Variants in RAD9B observed in about 807,000 individuals in gnomAD.
The protein encoded by RAD9B is RAD9 checkpoint clamp component B, also known as cell cycle checkpoint control protein RAD9B.
Under a neutral mutation model 48.3 loss-of-function variants are expected in RAD9B, and 41 were observed. The ratio of observed to expected loss-of-function variants is 0.85; its 90% CI spans 0.66 to 1.10. RAD9B has a LOEUF of 1.10. Among genes scored for constraint, RAD9B ranks in the 50% least tolerant of loss-of-function variants. The pLI, the probability that RAD9B is intolerant of heterozygous loss-of-function variation, is 0.00. For synonymous variants in RAD9B, 160 were observed against 157.9 expected (o/e 1.01, Z -0.10); for missense variants, 444 against 485.1 (o/e 0.92, Z 0.80).
chr12:110,516,198 G>A (rs2063595590), intron 6 of RAD9B, among the ~76,000 whole-genome samples: 1 of 151,906 alleles, frequency 6.6e-6, no homozygotes, highest in African/African-American at 2.4e-5. Context: ...CTGCACTCCA[G>A]CCCAGGCAAG....
In RAD9B at chr12:110,533,161, G is replaced by A. The variant is rs2064179996; in HGVS notation, c.*2508G>A. 1 of 152,204 alleles carries A rather than the reference G, an allele frequency of 6.6e-6. No homozygotes were observed. The highest frequency in any genetic ancestry group is 1.9e-4 in the East Asian group (1 of 5,198). The allele number at this position is 152,204 out of a possible 1,614,324, so 9.4% of individuals were successfully genotyped here. ...TAGAATGACTAGGAGGCTTGGAAAT[G>A]AGGACCTGATAGTGACCAACAAACT... is the stretch of plus-strand genomic sequence containing the variant. On this transcript the variant is annotated 3_prime_UTR_variant, in exon 11 of 11. Coordinates refer to ENST00000409300, the MANE Select transcript of RAD9B (RefSeq NM_001286535.2).
At chr12:110,518,352 G>A (rs948733103) in intron 6 of RAD9B, among the ~76,000 whole-genome samples, 1 of 152,116 alleles carries the variant, frequency 6.6e-6, no homozygotes, top group Non-Finnish European at 1.5e-5. Flanking sequence ...AACACAGTAA[G>A]ACCCTCTCTC....
intron 9 of RAD9B, among the ~76,000 whole-genome samples, chr12:110,520,682 A>C (rs1593092966): frequency 9.1e-6 from 1 of 110,328 alleles, no homozygotes; most frequent in Non-Finnish European, 1.7e-5. Flanking sequence ...ACAGAATCTC[A>C]CTCTGTTGCC....
intron 4 of RAD9B, among the ~76,000 whole-genome samples, chr12:110,507,492 TAA>T (rs2063326222): frequency 8.6e-5 from 1 of 11,594 alleles, no homozygotes; most frequent in South Asian, 6.5e-3. Context: ...ATATAATACA[TAA>T]TATATGTATT....
Position 110,530,933 on chromosome 12 carries a change from CA to C in RAD9B, c.*281del. On this transcript the variant is annotated 3_prime_UTR_variant, in exon 11 of 11. Transcript: ENST00000409300. ...AGAGTTCTTCAATTCAATGCACGTT[CA>C]CCCTAGAGCTTTTAACATCTTTGCT... 9.0e-7 allele frequency: 1 copy of C among 1,117,178 alleles called. No individual in the cohort carries two copies. Among genetic ancestry groups the C allele is most frequent in the South Asian group, 3.5e-5 (1 of 28,414 alleles). The allele number at this position is 1,117,178 out of a possible 1,614,324, so 69.2% of individuals were successfully genotyped here.
At chr12:110,506,271 C>A (rs2063263544) in intron 3 of RAD9B, among the ~76,000 whole-genome samples, 1 of 151,446 alleles carries the variant, frequency 6.6e-6, no homozygotes, top group African/African-American at 2.4e-5. Flanking sequence ...TCACTGCAAG[C>A]TCTGCCTCCC....
intron 5 of RAD9B, 43 bp from the exon 6 acceptor site, chr12:110,515,003 CTGTT>C (rs990355450): frequency 8.7e-6 from 10 of 1,151,032 alleles, no homozygotes; most frequent in Non-Finnish European, 1.0e-5. Context: ...GTATGTCTTT[CTGTT>C]TGTTTTTCAA....
chr12:110,522,333 G>A lies in RAD9B; in HGVS notation c.1047G>A (p.Val349=), dbSNP rs2063811278. The A allele has an allele frequency of 1.2e-6, 2 of 1,613,604 alleles. No homozygotes were observed. The highest frequency in any genetic ancestry group is 1.3e-5 in the African/African-American group (1 of 74,918). ...GTGGCAGCCCTGCAATGAAAAGAGT[G>A]GATGGAGATGTCAGTGAAGTATCAG... is the stretch of plus-strand genomic sequence containing the variant. The part of the protein sequence containing the change: ...ENCGSPAMKR[V]DGDVSEVSES... Residue 349 remains valine, a synonymous_variant, in exon 10 of 11, where the codon GTG becomes GTA. Coordinates refer to ENST00000409300, the MANE Select transcript of RAD9B (RefSeq NM_001286535.2).
chr12:110,517,751 GACACACACACACACACACACACAC>G (rs34935245), intron 6 of RAD9B, among the ~76,000 whole-genome samples: 1 of 141,520 alleles, frequency 7.1e-6, no homozygotes, highest in Middle Eastern at 3.5e-3. Context: ...ACAAAACATT[GACACACACACACACACACACACAC>G]ACACACACAC....
chr12:110,507,040 G>GT (rs1365082924), intron 4 of RAD9B, among the ~76,000 whole-genome samples: 1 of 151,732 alleles, frequency 6.6e-6, no homozygotes, highest in Non-Finnish European at 1.5e-5. Context: ...GGGTTTCACC[G>GT]TGTTGGCCAG....
At chr12:110,514,632 A>G (rs2063557362) in intron 5 of RAD9B, among the ~76,000 whole-genome samples, 2 of 152,240 alleles carry the variant, frequency 1.3e-5, no homozygotes, top group South Asian at 2.1e-4. Context: ...CAGGCTGCTT[A>G]GAAACCTCTG....
In RAD9B at chr12:110,532,431, T is replaced by C. The variant is rs1194357418; in HGVS notation, c.*1778T>C. 6.6e-6 allele frequency among the ~76,000 whole-genome samples: 1 copy of C among 151,966 alleles called. No homozygotes were observed. The highest frequency in any genetic ancestry group is 1.5e-5 in the Non-Finnish European group (1 of 67,958). ...ATTATTATAGTTAATACTGGCGGGG[T>C]GTAGTGGCTCATGCCTGTAATCCCA... On this transcript the variant is annotated 3_prime_UTR_variant, in exon 11 of 11. Coordinates refer to ENST00000409300, the MANE Select transcript of RAD9B (RefSeq NM_001286535.2).
rs767338271 is a variant in RAD9B, at chr12:110,515,161, A to C, written c.595+5A>C. On this transcript the variant is annotated splice_donor_5th_base_variant and intron_variant, in intron 6 of 10. Coordinates refer to ENST00000409300, the MANE Select transcript of RAD9B (RefSeq NM_001286535.2). Reference sequence around the variant, plus strand: ...GTTCTAATGAGGAATCAATGGGTAAAGATTGTATCTGAAATGGTGTTTTGA... The same window carrying C: ...GTTCTAATGAGGAATCAATGGGTAACGATTGTATCTGAAATGGTGTTTTGA... The C allele has an allele frequency of 2.8e-6, 4 of 1,448,342 alleles. No individual in the cohort carries two copies. The highest frequency in any genetic ancestry group is 3.8e-6 in the Non-Finnish European group (4 of 1,052,686). 89.7% of individuals were successfully genotyped at this position (1,448,342 alleles called of 1,614,324 possible).
Position 110,519,683 on chromosome 12 carries a change from G to T in RAD9B, c.768-111G>T, listed in dbSNP as rs139056003. On this transcript the variant is annotated intron_variant, in intron 8 of 10. Coordinates refer to ENST00000409300, the MANE Select transcript of RAD9B (RefSeq NM_001286535.2). ...ACTCGCAACCTCAGATGATCCACCC[G>T]CCTTGGCCTCCCCTGTTTCTTTTTA... The T allele has an allele frequency of 5.8e-6, 7 of 1,209,954 alleles. No individual in the cohort carries two copies. The African/African-American group carries it at 6.3e-5, about 11-fold the overall frequency. 75.0% of individuals were successfully genotyped at this position (1,209,954 alleles called of 1,614,324 possible).
intron 6 of RAD9B, among the ~76,000 whole-genome samples, chr12:110,516,775 G>A (rs987532609): frequency 7.9e-5 from 12 of 151,500 alleles, no homozygotes; most frequent in Non-Finnish European, 1.5e-4. Flanking sequence ...ATCACGCCAC[G>A]GCACTCCAGC....
chr12:110,507,413 T>C (rs1186477505), intron 4 of RAD9B, among the ~76,000 whole-genome samples: 1 of 143,268 alleles, frequency 7.0e-6, no homozygotes, highest in Non-Finnish European at 1.5e-5. Context: ...ATGTATTAAA[T>C]ATAATATATA....
In RAD9B at chr12:110,519,778, G is replaced by T; in HGVS notation, c.768-16G>T. The T allele has an allele frequency of 6.3e-7, 1 of 1,599,120 alleles. No individual in the cohort carries two copies. On this transcript the variant is annotated splice_polypyrimidine_tract_variant and intron_variant, in intron 8 of 10. Transcript: ENST00000409300. ...AGAAAATGAGTGTCACTGTTGCTCTGACTTGGCTTTTTTAGACCTCTGGCT... is the reference window on the plus strand; with the variant it reads ...AGAAAATGAGTGTCACTGTTGCTCTTACTTGGCTTTTTTAGACCTCTGGCT...
chr12:110,507,421 A>ATG (rs2063315628), intron 4 of RAD9B, among the ~76,000 whole-genome samples: 1 of 143,210 alleles, frequency 7.0e-6, no homozygotes, highest in Admixed American at 7.4e-5. Context: ...AATATAATAT[A>ATG]TAATATATAT....
chr12:110,507,543 AATATATGTATTAAAT>A (rs1258442070), intron 4 of RAD9B, among the ~76,000 whole-genome samples: 4 of 46,996 alleles, frequency 8.5e-5, no homozygotes, highest in African/African-American at 2.8e-4. Flanking sequence ...TATAATACAT[AATATATGTATTAAAT>A]ATATATGTAT....
Sources: gnomAD v4.1 joint callset for allele counts (sites outside exome capture counted in the v4.1 genomes callset) on GRCh38, gnomAD v4.1.1 for gene constraint, MANE v1.5 for transcripts, NCBI Gene and HGNC (gene_info 2026-07-23, HGNC 2026-07-21) for gene names.